The following SPG11 variants were observed in gnomAD, a reference collection of about 807,000 sequenced individuals.
SPG11 encodes the protein spatacsin.
Under a neutral mutation model 274.0 loss-of-function variants are expected in SPG11, and 222 were observed. That is an observed-to-expected ratio of 0.81 (90% CI 0.73 to 0.91). The LOEUF is 0.91. Among genes scored for constraint, SPG11 ranks in the 40% least tolerant of loss-of-function variants. The pLI is 0.00. For missense variants in SPG11, 3,114 were observed against 2,872.7 expected, an observed-to-expected ratio of 1.08 and a Z score of -1.92; for synonymous variants, 1,144 against 1,039.7, an observed-to-expected ratio of 1.10 and a Z score of -1.93.
In SPG11 at chr15:44,620,310, G is replaced by A. The variant is rs767471014; in HGVS notation, c.2714C>T (p.Thr905Ile). Reference protein sequence around the residue: ...NIILWIGEFQTQHSYASLQQN... With the variant: ...NIILWIGEFQIQHSYASLQQN... The stretch of plus-strand genomic sequence containing the variant: ...CTGAAGTGAAGCATAACTATGCTGG[G>A]TTTGAAATTCTCCAATCCATAAGAT... Residue 905 changes from threonine (T) to isoleucine (I), a missense_variant, in exon 15 of 40, where the codon ACC becomes ATC. Coordinates refer to ENST00000261866, the MANE Select transcript of SPG11 (RefSeq NM_025137.4). The A allele has an allele frequency of 8.1e-6, 13 of 1,613,992 alleles. 1 individual carries two copies. In the South Asian group the frequency reaches 1.3e-4, roughly 16 times the overall value.
intron 22 of SPG11, 76 bp downstream of exon 22, chr15:44,598,555 A>C (rs2083102200): frequency 6.9e-7 from 1 of 1,442,472 alleles, no homozygotes; most frequent in Non-Finnish European, 9.7e-7. Context: ...TTTTCTCCCC[A>C]AACACTCACA....
In SPG11 at chr15:44,608,511, G is replaced by A. The variant is rs1298500656; in HGVS notation, c.3386C>T (p.Ala1129Val). 1.2e-6 allele frequency: 2 copies of A among 1,614,130 alleles called. No individual in the cohort carries two copies. Among genetic ancestry groups the A allele is most frequent in the East Asian group, 2.2e-5 (1 of 44,880 alleles). ...AGGAGGAGTGCACTGTGGGAAGAGA[G>A]CAGTTTTTAGCTTGGGGTAAGGAGT... ...ALTPYPKLKTALFPQCTPPSV... is the reference protein window; with the variant it reads ...ALTPYPKLKTVLFPQCTPPSV... Residue 1129 changes from alanine (A) to valine (V), a missense_variant, in exon 19 of 40, where the codon GCT becomes GTT. Coordinates refer to ENST00000261866, the MANE Select transcript of SPG11 (RefSeq NM_025137.4).
chr15:44,592,154 G>A (rs923848928), intron 27 of SPG11, among the ~76,000 whole-genome samples, 177 bp downstream of exon 27: 2 of 152,012 alleles, frequency 1.3e-5, no homozygotes, highest in Non-Finnish European at 2.9e-5. Context: ...CGCTACTTGG[G>A]AGGCTGAGGC....
chr15:44,606,183 G>T, intron 19 of SPG11, 92 bp from the exon 20 acceptor site: 1 of 1,120,902 alleles, frequency 8.9e-7, no homozygotes, highest in Non-Finnish European at 1.3e-6. Flanking sequence ...GAGGTAGTCT[G>T]CTCCCCTTTT....
In SPG11 at chr15:44,567,427, A is replaced by G. The variant is rs2082333097; in HGVS notation, c.6751T>C (p.Trp2251Arg). 6.2e-7 allele frequency: 1 copy of G among 1,612,172 alleles called. No individual in the cohort carries two copies. Among genetic ancestry groups the G allele is most frequent in the Non-Finnish European group, 8.5e-7 (1 of 1,179,228 alleles). Residue 2251 changes from tryptophan (W) to arginine (R), a missense_variant, in exon 36 of 40, where the codon TGG becomes CGG. Physicochemically the swap from Trp to Arg is moderately radical, Grantham distance 101 (BLOSUM62 -3). Transcript: ENST00000261866. ...IQLKLIESQP[W>R]EDSLKDGHQL... ...GTGTGGCTGTGACCTCACTCACCCCAGGGCTGAGACTCAATCAATTTCAGT... is the reference window on the plus strand; with the variant it reads ...GTGTGGCTGTGACCTCACTCACCCCGGGGCTGAGACTCAATCAATTTCAGT...
chr15:44,568,822 A>G (rs1412145099), intron 35 of SPG11, among the ~76,000 whole-genome samples: 1 of 152,154 alleles, frequency 6.6e-6, no homozygotes, highest in African/African-American at 2.4e-5. Context: ...GGCATTTAAG[A>G]CAGTAGAGGC....
At chr15:44,652,947 C>T (rs1415340443) in intron 4 of SPG11, among the ~76,000 whole-genome samples, 2 of 152,076 alleles carry the variant, frequency 1.3e-5, no homozygotes, top group Admixed American at 1.3e-4. Flanking sequence ...CATTATACTG[C>T]CACCACAAAG....
chr15:44,571,083 G>T (rs1392206956), intron 33 of SPG11, among the ~76,000 whole-genome samples: 1 of 152,176 alleles, frequency 6.6e-6, no homozygotes, highest in Non-Finnish European at 1.5e-5. Context: ...CTAGAGTAGT[G>T]AAAGTCTGAC....
At chr15:44,577,492 G>A (rs1336861109) in intron 30 of SPG11, among the ~76,000 whole-genome samples, 1 of 139,336 alleles carries the variant, frequency 7.2e-6, no homozygotes, top group Non-Finnish European at 1.6e-5. Context: ...AACAGAGTGA[G>A]GCCCTATCTC....
chr15:44,595,915 G>A (rs1002809974), intron 25 of SPG11, 168 bp downstream of exon 25: 69 of 865,914 alleles, frequency 8.0e-5, no homozygotes, highest in Middle Eastern at 3.3e-4. Flanking sequence ...ACACCAAATG[G>A]CCCAGAGCCT....
chr15:44,617,978 C>A (rs111936829), intron 15 of SPG11, among the ~76,000 whole-genome samples: 1 of 151,794 alleles, frequency 6.6e-6, no homozygotes, highest in African/African-American at 2.4e-5. Flanking sequence ...GCCCGGCAGA[C>A]CCTCTAATTT....
At chr15:44,610,642 T>G (rs1271707321) in intron 18 of SPG11, among the ~76,000 whole-genome samples, 198 bp downstream of exon 18, 1 of 152,138 alleles carries the variant, frequency 6.6e-6, no homozygotes, top group African/African-American at 2.4e-5. Flanking sequence ...CCTCCCAAAG[T>G]GCTGGGATTA....
intron 30 of SPG11, among the ~76,000 whole-genome samples, chr15:44,578,956 G>T (rs568362057): frequency 6.1e-4 from 93 of 152,052 alleles, no homozygotes; most frequent in Non-Finnish European, 1.2e-3. Context: ...AGGAGTTCGA[G>T]ACCAGCCTGG....
At chr15:44,614,510 C>G (rs2083542448) in intron 16 of SPG11, among the ~76,000 whole-genome samples, 1 of 152,222 alleles carries the variant, frequency 6.6e-6, no homozygotes, top group African/African-American at 2.4e-5. Flanking sequence ...AGATGTGAGC[C>G]ACCGTGCCCG....
chr15:44,660,300 C>A, intron 2 of SPG11, 132 bp downstream of exon 2: 3 of 718,098 alleles, frequency 4.2e-6, no homozygotes, highest in Admixed American at 2.2e-5. Flanking sequence ...GCTCAATAGC[C>A]CCATCTGCCT....
At position 44,583,986 on chromosome 15, in the gene SPG11, G is replaced by C. The variant is rs1217386610; in HGVS notation, c.5694C>G (p.Cys1898Trp). The change falls in exon 30 of 40, where the codon TGC becomes TGG. Residue 1898 changes from cysteine (C) to tryptophan (W), a missense_variant. Physicochemically the swap from Cys to Trp is radical, Grantham distance 215 (BLOSUM62 -2). Transcript: ENST00000261866. Reference sequence around the variant, plus strand: ...CTGGATTATAAAAATGAAAATACCGGCATACTCTACTTGCTTCATGCACAC... The same window carrying C: ...CTGGATTATAAAAATGAAAATACCGCCATACTCTACTTGCTTCATGCACAC... ...DGCVHEASRV[C>W]RYFHFYNPDV... 6.2e-7 allele frequency: 1 copy of C among 1,614,042 alleles called. No individual in the cohort carries two copies.
rs1415476135 is a variant in SPG11, at chr15:44,566,223, A to G, written c.6837T>C (p.Tyr2279=). The part of the protein sequence containing the change: ...LTLMLDAAES[Y]AKDSCVRQAQ... ...AAAAAAGCCTTTGGGTTACCTTGGC[A>G]TAACTCTCTGCTGCATCCAACATCA... Residue 2279 remains tyrosine, a synonymous_variant, in exon 37 of 40, where the codon TAT becomes TAC. Transcript: ENST00000261866. The G allele has an allele frequency of 1.9e-6, 3 of 1,614,108 alleles. No homozygotes were observed. Among genetic ancestry groups the G allele is most frequent in the South Asian group, 1.1e-5 (1 of 91,088 alleles).
At chr15:44,617,685 GTTTTTTTTGAGATGGA>G (rs1567166046) in intron 15 of SPG11, among the ~76,000 whole-genome samples, 1 of 151,540 alleles carries the variant, frequency 6.6e-6, no homozygotes, top group Non-Finnish European at 1.5e-5. Flanking sequence ...TCTTTTTGTT[GTTTTTTTTGAGATGGA>G]TTCTCACTCT....
intron 13 of SPG11, 34 bp from the exon 14 acceptor site, chr15:44,621,968 A>G (rs1349577506): frequency 6.6e-7 from 1 of 1,514,530 alleles, no homozygotes; most frequent in Non-Finnish European, 9.0e-7. Context: ...TTTTTTTTTA[A>G]TTTTGGAGAA....
Sources: allele counts gnomAD v4.1 joint callset (sites outside exome capture counted in the v4.1 genomes callset), GRCh38; gene constraint gnomAD v4.1.1; transcripts MANE v1.5; gene names NCBI Gene and HGNC (gene_info 2026-07-23, HGNC 2026-07-21).